METTL24: variants seen among roughly 807,000 people sequenced by gnomAD.
METTL24 encodes probable methyltransferase-like protein 24.
A neutral mutation model predicts 32.7 loss-of-function variants in METTL24; 29 were observed. The ratio of observed to expected loss-of-function variants is 0.89; its 90% confidence interval spans 0.66 to 1.21. The LOEUF (loss-of-function observed/expected upper bound fraction) is 1.21. Among genes scored for constraint, METTL24 ranks in the 50% most tolerant of loss-of-function variants. The pLI, the probability that METTL24 is intolerant of heterozygous loss-of-function variation, is 0.00. For missense variants in METTL24, 439 were observed against 468.1 expected (o/e 0.94, Z 0.57); for synonymous variants, 163 against 179.5 (o/e 0.91, Z 0.73).
At chr6:110,278,056 G>A (rs1771077193) in intron 4 of METTL24, among the ~76,000 whole-genome samples, 1 of 152,154 alleles carries the variant, frequency 6.6e-6, no homozygotes, top group Non-Finnish European at 1.5e-5. Flanking sequence ...TGCCACCGAT[G>A]ATGATATTAG....
intron 4 of METTL24, among the ~76,000 whole-genome samples, chr6:110,279,196 G>A (rs1214765519): frequency 2.0e-5 from 3 of 152,334 alleles, no homozygotes; most frequent in East Asian, 3.8e-4. Context: ...TATGCTGTGA[G>A]CTGCTATGGA....
intron 1 of METTL24, among the ~76,000 whole-genome samples, chr6:110,350,606 T>C (rs1044131522): frequency 2.6e-5 from 4 of 151,834 alleles, no homozygotes; most frequent in African/African-American, 9.7e-5. Context: ...GGCTAAATAC[T>C]GATACTTACG....
chr6:110,315,675 A>T (rs1170985560), intron 2 of METTL24, among the ~76,000 whole-genome samples, 194 bp from the exon 3 acceptor site: 1 of 152,214 alleles, frequency 6.6e-6, no homozygotes, highest in Non-Finnish European at 1.5e-5. Flanking sequence ...ACTAGATAAT[A>T]AGTAATCTCA....
At chr6:110,347,523 T>C (rs1292296680) in intron 1 of METTL24, among the ~76,000 whole-genome samples, 1 of 152,202 alleles carries the variant, frequency 6.6e-6, no homozygotes, top group East Asian at 1.9e-4. Flanking sequence ...AGTATAATAA[T>C]ATGCACTTAA....
At chr6:110,281,584 G>A (rs1436929719) in intron 4 of METTL24, among the ~76,000 whole-genome samples, 4 of 151,880 alleles carry the variant, frequency 2.6e-5, no homozygotes, top group Non-Finnish European at 5.9e-5. Flanking sequence ...AGGAGGCAGA[G>A]GTTGCAGTGA....
intron 4 of METTL24, among the ~76,000 whole-genome samples, chr6:110,294,737 C>G (rs1478156488): frequency 2.0e-5 from 3 of 151,864 alleles, no homozygotes; most frequent in African/African-American, 7.3e-5. Context: ...AAATACTTAT[C>G]AAAGGAGAGC....
chr6:110,278,309 T>C (rs746221624), intron 4 of METTL24, among the ~76,000 whole-genome samples: 15 of 152,198 alleles, frequency 9.9e-5, no homozygotes, highest in Non-Finnish European at 2.1e-4. Flanking sequence ...GATCACTTTT[T>C]ACACGAAAGC....
At chr6:110,301,360 C>T (rs1485232752) in intron 3 of METTL24, among the ~76,000 whole-genome samples, 2 of 152,198 alleles carry the variant, frequency 1.3e-5, no homozygotes, top group African/African-American at 4.8e-5. Flanking sequence ...TTCAACCCTG[C>T]ACCATCCACA....
intron 4 of METTL24, among the ~76,000 whole-genome samples, chr6:110,272,160 T>A (rs554798021): frequency 6.6e-6 from 1 of 151,182 alleles, no homozygotes; most frequent in Admixed American, 6.6e-5. Flanking sequence ...AAGTCCATTA[T>A]AACATTTTTA....
intron 1 of METTL24, among the ~76,000 whole-genome samples, chr6:110,353,854 A>T (rs1009917016): frequency 2.0e-5 from 3 of 152,162 alleles, no homozygotes; most frequent in Non-Finnish European, 4.4e-5. Flanking sequence ...AGCATAAATC[A>T]TGAAGACCAT....
intron 1 of METTL24, among the ~76,000 whole-genome samples, chr6:110,346,629 C>T (rs1582443938): frequency 6.6e-6 from 1 of 152,022 alleles, no homozygotes; most frequent in African/African-American, 2.4e-5. Flanking sequence ...CTCAGCCTCC[C>T]AAGTAGCTGG....
At chr6:110,337,433 A>T (rs1250929021) in intron 1 of METTL24, among the ~76,000 whole-genome samples, 1 of 152,200 alleles carries the variant, frequency 6.6e-6, no homozygotes, top group African/African-American at 2.4e-5. Flanking sequence ...TAAAAGTTAG[A>T]AAAAAAGAGT....
intron 4 of METTL24, among the ~76,000 whole-genome samples, chr6:110,278,123 C>G (rs1183172345): frequency 1.3e-5 from 2 of 152,170 alleles, no homozygotes; most frequent in African/African-American, 4.8e-5. Flanking sequence ...TCCTATCCTT[C>G]CTATGCTCTG....
At chr6:110,302,275 CAA>C (rs1227639332) in intron 3 of METTL24, among the ~76,000 whole-genome samples, 2 of 133,442 alleles carry the variant, frequency 1.5e-5, no homozygotes, top group African/African-American at 2.8e-5. Context: ...GAGACTCCAT[CAA>C]AAAAAAAAAG....
rs985511909 is a variant in METTL24, at chr6:110,315,325, T to TA, written c.557+16dup. 2.1e-5 allele frequency: 34 copies of TA among 1,613,280 alleles called. No individual in the cohort carries two copies. The highest frequency in any genetic ancestry group is 1.5e-4 in the South Asian group (14 of 90,890). ...GCAGTGTTTGTGTTTTCTTCTGCTG[T>TA]AAAAAAATGTACTCACCCTAAGGAG... On this transcript the variant is annotated intron_variant, in intron 3 of 4. Coordinates refer to ENST00000338882, the MANE Select transcript of METTL24 (RefSeq NM_001123364.3).
chr6:110,273,984 C>T (rs982961051), intron 4 of METTL24, among the ~76,000 whole-genome samples: 23 of 152,216 alleles, frequency 1.5e-4, no homozygotes, highest in African/African-American at 5.1e-4. Flanking sequence ...AAATGCCCAT[C>T]GACCAACGAG....
intron 1 of METTL24, among the ~76,000 whole-genome samples, chr6:110,332,141 T>C (rs760507512): frequency 6.6e-6 from 1 of 152,168 alleles, no homozygotes; most frequent in Non-Finnish European, 1.5e-5. Context: ...AAATGCATTA[T>C]AATTCAAGCA....
chr6:110,268,326 CT>C (rs1770895359), intron 4 of METTL24, among the ~76,000 whole-genome samples: 2 of 152,110 alleles, frequency 1.3e-5, no homozygotes, highest in Admixed American at 1.3e-4. Context: ...AATCAGGATT[CT>C]AACTGGGTCT....
intron 1 of METTL24, among the ~76,000 whole-genome samples, chr6:110,344,704 G>A (rs1772434469): frequency 6.6e-6 from 1 of 152,156 alleles, no homozygotes; most frequent in South Asian, 2.1e-4. Context: ...TTCAATAAAT[G>A]TTGTGGCATA....
Sources: gnomAD v4.1 joint callset for allele counts (sites outside exome capture counted in the v4.1 genomes callset) on GRCh38, gnomAD v4.1.1 for gene constraint, MANE v1.5 for transcripts, NCBI Gene and HGNC (gene_info 2026-07-23, HGNC 2026-07-21) for gene names.